The following USP47 variants were observed in gnomAD, a reference collection of about 807,000 sequenced individuals.
USP47 encodes the protein ubiquitin specific peptidase 47.
USP47 carries 35 observed loss-of-function variants against 165.1 expected under a neutral mutation model. That is an observed-to-expected ratio of 0.21 (90% confidence interval 0.16 to 0.28). The LOEUF is 0.28. Ranked by LOEUF, USP47 falls within the 10% of genes least tolerant of loss-of-function variation. USP47 has a pLI of 1.00. For missense variants in USP47, 1,277 were observed against 1,607.4 expected, an observed-to-expected ratio of 0.79 and a Z score of 3.52; for synonymous variants, 531 against 544.5, an observed-to-expected ratio of 0.98 and a Z score of 0.35.
At chr11:11,901,990 T>C (rs1228329990) in intron 5 of USP47, among the ~76,000 whole-genome samples, 1 of 151,474 alleles carries the variant, frequency 6.6e-6, no homozygotes. Context: ...GGAAATAGTG[T>C]AATGAATCCC....
At chr11:11,937,789 T>G (rs1239789205) in intron 17 of USP47, among the ~76,000 whole-genome samples, 2 of 152,040 alleles carry the variant, frequency 1.3e-5, no homozygotes, top group East Asian at 3.9e-4. Context: ...ACATAAAACA[T>G]GAGGTTAAAA....
Position 11,930,138 on chromosome 11 carries a change from T to G in USP47, c.1595+18T>G. 3.8e-6 allele frequency: 6 copies of G among 1,595,274 alleles called. No individual in the cohort carries two copies. Among genetic ancestry groups the G allele is most frequent in the East Asian group, 2.2e-5 (1 of 44,712 alleles). Reference sequence around the variant, plus strand: ...TTCGCAAGGTAAGCAATTTCCTAATTTTCAGTGTTTAAAAGTTAGAATTAA... The same window carrying G: ...TTCGCAAGGTAAGCAATTTCCTAATGTTCAGTGTTTAAAAGTTAGAATTAA... On this transcript the variant is annotated intron_variant, in intron 13 of 27. Coordinates refer to ENST00000527733, the MANE Select transcript of USP47 (RefSeq NM_001282659.2).
intron 8 of USP47, among the ~76,000 whole-genome samples, chr11:11,916,802 C>T (rs1443525246): frequency 1.3e-5 from 2 of 152,070 alleles, no homozygotes; most frequent in Non-Finnish European, 2.9e-5. Flanking sequence ...GTCAAGTCTA[C>T]CTTTTGAAGG....
intron 21 of USP47, 90 bp from the exon 22 acceptor site, chr11:11,948,388 A>G (rs1437772584): frequency 8.8e-7 from 1 of 1,136,718 alleles, no homozygotes; most frequent in East Asian, 2.4e-5. Context: ...CCTATAATCT[A>G]GAGTATTTTG....
In USP47 at chr11:11,948,616, G is replaced by C. The variant is rs990976607; in HGVS notation, c.3348+58G>C. On this transcript the variant is annotated intron_variant, in intron 22 of 27. Coordinates refer to ENST00000527733, the MANE Select transcript of USP47 (RefSeq NM_001282659.2). ...ACTTTTTACAGTTACTGAAAACATA[G>C]AATATATTTTATTCATAGTCATTTT... 5 of 1,437,724 alleles carry C rather than the reference G, an allele frequency of 3.5e-6. No individual in the cohort carries two copies. In the Admixed American group the frequency reaches 9.4e-5, roughly 27 times the overall value. 89.1% of individuals were successfully genotyped at this position (1,437,724 alleles called of 1,614,324 possible).
At chr11:11,875,642 C>T (rs1034779637) in intron 1 of USP47, among the ~76,000 whole-genome samples, 4 of 152,090 alleles carry the variant, frequency 2.6e-5, no homozygotes, top group East Asian at 1.9e-4. Context: ...GTCTTGCTGT[C>T]GCCCAGGCTG....
At chr11:11,914,794 A>T (rs939369496) in intron 8 of USP47, among the ~76,000 whole-genome samples, 1 of 152,186 alleles carries the variant, frequency 6.6e-6, no homozygotes, top group African/African-American at 2.4e-5. Context: ...GCAAATTCAA[A>T]CCATAATGAA....
intron 17 of USP47, among the ~76,000 whole-genome samples, chr11:11,936,830 C>T (rs1025767090): frequency 2.0e-5 from 3 of 151,846 alleles, no homozygotes; most frequent in Non-Finnish European, 4.4e-5. Context: ...ATCAATTGCT[C>T]TCTTAGGAAG....
chr11:11,872,870 A>G (rs532601135), intron 1 of USP47, among the ~76,000 whole-genome samples: 6 of 152,352 alleles, frequency 3.9e-5, no homozygotes, highest in African/African-American at 9.6e-5. Context: ...ATGCCCATTA[A>G]TAGCAGATTA....
At chr11:11,854,920 C>T (rs1446624999) in intron 1 of USP47, among the ~76,000 whole-genome samples, 2 of 135,258 alleles carry the variant, frequency 1.5e-5, no homozygotes, top group East Asian at 2.3e-4. Flanking sequence ...GGTGAAACCC[C>T]GTCTCTACCA....
chr11:11,871,616 C>T (rs1232818184), intron 1 of USP47, among the ~76,000 whole-genome samples: 1 of 149,102 alleles, frequency 6.7e-6, no homozygotes, highest in Non-Finnish European at 1.5e-5. Context: ...CAGGCACTCT[C>T]TTTACACACA....
chr11:11,881,637 A>AT (rs1477191231), intron 2 of USP47, among the ~76,000 whole-genome samples: 2 of 151,810 alleles, frequency 1.3e-5, no homozygotes, highest in Admixed American at 1.3e-4. Flanking sequence ...CTTTTTTGAC[A>AT]TTTTATGGAC....
chr11:11,955,026 CT>C lies in USP47; in HGVS notation c.3763-3del. ...CATGATTTATTCATTCATTCTTTTT[CT>C]TTTTAGGGTAGAGGAACATTTCCCT... On this transcript the variant is annotated splice_region_variant and splice_polypyrimidine_tract_variant and intron_variant, in intron 26 of 27. Coordinates refer to ENST00000527733, the MANE Select transcript of USP47 (RefSeq NM_001282659.2). 6.2e-7 allele frequency: 1 copy of C among 1,612,840 alleles called. No individual in the cohort carries two copies. Among genetic ancestry groups the C allele is most frequent in the Non-Finnish European group, 8.5e-7 (1 of 1,179,538 alleles).
rs1013381791 is a variant in USP47, at chr11:11,961,680, C to A, written c.*5505C>A. 6.6e-6 allele frequency among the ~76,000 whole-genome samples: 1 copy of A among 152,238 alleles called. No homozygotes were observed. Among genetic ancestry groups the A allele is most frequent in the Non-Finnish European group, 1.5e-5 (1 of 68,040 alleles). ...AGCTCCATTCTTGTTTGCCACTCTC[C>A]TTTTGTCAATTGGGAAAAAATTCCA... On this transcript the variant is annotated 3_prime_UTR_variant, in exon 28 of 28. Transcript: ENST00000527733.
At chr11:11,905,637 C>T in intron 8 of USP47, 89 bp downstream of exon 8, 1 of 1,239,388 alleles carries the variant, frequency 8.1e-7, no homozygotes, top group Non-Finnish European at 1.1e-6. Flanking sequence ...TAAGTATCAT[C>T]CTAGATACAC....
At chr11:11,893,874 C>G (rs1851694343) in intron 4 of USP47, among the ~76,000 whole-genome samples, 2 of 152,112 alleles carry the variant, frequency 1.3e-5, no homozygotes, top group South Asian at 4.1e-4. Context: ...CTTTCGTTTA[C>G]TATATTTTGT....
intron 20 of USP47, chr11:11,943,427 A>G: frequency 5.8e-6 from 1 of 171,078 alleles, no homozygotes. Flanking sequence ...AAAAGCTGAG[A>G]AACTTTAGAA....
intron 5 of USP47, among the ~76,000 whole-genome samples, chr11:11,899,633 A>G (rs1440954072): frequency 6.6e-6 from 1 of 152,212 alleles, no homozygotes; most frequent in Non-Finnish European, 1.5e-5. Context: ...GGAACTTCAC[A>G]GGAACAAGCC....
At chr11:11,855,049 T>C (rs1237294551) in intron 1 of USP47, among the ~76,000 whole-genome samples, 5 of 151,250 alleles carry the variant, frequency 3.3e-5, no homozygotes, top group Non-Finnish European at 7.4e-5. Context: ...GAGTGGAGAT[T>C]GCATCACTGC....
Sources: gnomAD v4.1 joint callset for allele counts (sites outside exome capture counted in the v4.1 genomes callset) on GRCh38, gnomAD v4.1.1 for gene constraint, MANE v1.5 for transcripts, NCBI Gene and HGNC (gene_info 2026-07-23, HGNC 2026-07-21) for gene names.